CLSTN1: variants seen among roughly 807,000 people sequenced by gnomAD.
CLSTN1 encodes calsyntenin-1.
Under a neutral mutation model 108.3 loss-of-function variants are expected in CLSTN1, and 28 were observed. That is an observed-to-expected ratio of 0.26 (90% CI 0.19 to 0.35). The LOEUF is 0.35. Among genes scored for constraint, CLSTN1 ranks in the 10% least tolerant of loss-of-function variants. CLSTN1 has a pLI of 1.00. For missense variants in CLSTN1, 1,157 were observed against 1,302.6 expected (o/e 0.89, Z 1.72); for synonymous variants, 524 against 534.9 (o/e 0.98, Z 0.28).
chr1:9,799,558 G>A (rs1334182138), intron 1 of CLSTN1, among the ~76,000 whole-genome samples: 1 of 150,740 alleles, frequency 6.6e-6, no homozygotes, highest in Non-Finnish European at 1.5e-5. Context: ...GGAGAATGGT[G>A]TGAACCCGGG....
intron 2 of CLSTN1, among the ~76,000 whole-genome samples, chr1:9,760,347 T>C (rs1363845478): frequency 6.6e-6 from 1 of 152,110 alleles, no homozygotes; most frequent in African/African-American, 2.4e-5. Context: ...CAGGCAGACC[T>C]GGGTCTTCCA....
chr1:9,739,776 G>A (rs1433041379), intron 10 of CLSTN1, among the ~76,000 whole-genome samples: 1 of 151,406 alleles, frequency 6.6e-6, no homozygotes, highest in Non-Finnish European at 1.5e-5. Flanking sequence ...TTTGAGACAG[G>A]GTCTCACTCT....
chr1:9,798,946 CG>C (rs1187837783), intron 1 of CLSTN1, among the ~76,000 whole-genome samples: 1 of 151,914 alleles, frequency 6.6e-6, no homozygotes, highest in African/African-American at 2.4e-5. Flanking sequence ...TTTGGGAGGG[CG>C]GGGCAGGAGG....
At chr1:9,771,407 AG>A in intron 2 of CLSTN1, among the ~76,000 whole-genome samples, 1 of 152,276 alleles carries the variant, frequency 6.6e-6, no homozygotes, top group East Asian at 1.9e-4. Context: ...CAAGGTCAGG[AG>A]TTCAAGACCA....
chr1:9,777,647 GCTTA>G (rs1653021276), intron 1 of CLSTN1, among the ~76,000 whole-genome samples: 1 of 151,958 alleles, frequency 6.6e-6, no homozygotes, highest in Non-Finnish European at 1.5e-5. Context: ...TGAAAACAAA[GCTTA>G]CTAAGAAGAG....
chr1:9,732,687 T>C (rs748560416), intron 16 of CLSTN1, among the ~76,000 whole-genome samples: 4 of 152,240 alleles, frequency 2.6e-5, no homozygotes, highest in African/African-American at 9.6e-5. Context: ...GATAGGTCTG[T>C]AGACGACCTC....
intron 2 of CLSTN1, among the ~76,000 whole-genome samples, chr1:9,768,568 T>C (rs1373106480): frequency 1.4e-4 from 7 of 48,978 alleles, no homozygotes; most frequent in African/African-American, 2.2e-4. Context: ...GGTGGCACCA[T>C]GGGGGCGGGG....
Position 9,741,207 on chromosome 1 carries a change from C to T in CLSTN1, c.1406G>A (p.Ser469Asn). 3 of 1,614,076 alleles carry T rather than the reference C, an allele frequency of 1.9e-6. No individual in the cohort carries two copies. Among genetic ancestry groups the T allele is most frequent in the Non-Finnish European group, 2.5e-6 (3 of 1,179,966 alleles). ...HHYVLNVEFPSVTLYVDGTSH... is the reference protein window; with the variant it reads ...HHYVLNVEFPNVTLYVDGTSH... ...CGTGCCATCCACATAGAGAGTCACA[C>T]TCGGGAATTCTACATTGAGGACGTA... is the stretch of plus-strand genomic sequence containing the variant. Residue 469 changes from serine to asparagine, a missense_variant, in exon 10 of 19, where the codon AGT becomes AAT. Physicochemically the swap from Ser to Asn is conservative, Grantham distance 46. Transcript: ENST00000377298.
At chr1:9,794,437 T>G (rs893227545) in intron 1 of CLSTN1, among the ~76,000 whole-genome samples, 2 of 151,480 alleles carry the variant, frequency 1.3e-5, no homozygotes, top group Non-Finnish European at 2.9e-5. Flanking sequence ...ACCTCCCAAG[T>G]AGCTGAGATC....
intron 1 of CLSTN1, among the ~76,000 whole-genome samples, chr1:9,781,976 T>C (rs1020416908): frequency 2.5e-4 from 38 of 152,330 alleles, no homozygotes; most frequent in Admixed American, 2.4e-3. Flanking sequence ...GGATTTATAT[T>C]GTATTGGGCT....
chr1:9,732,560 A>AT (rs1650462719), intron 16 of CLSTN1, among the ~76,000 whole-genome samples: 1 of 152,236 alleles, frequency 6.6e-6, no homozygotes, highest in African/African-American at 2.4e-5. Context: ...CTCAAACAAA[A>AT]CAGGCACCGA....
intron 8 of CLSTN1, 117 bp from the exon 9 acceptor site, chr1:9,744,122 C>A: frequency 7.1e-7 from 1 of 1,411,398 alleles, no homozygotes; most frequent in Admixed American, 2.1e-5. Context: ...AACTCTTCGG[C>A]TAAGCCAAGG....
chr1:9,796,301 A>T (rs1570504399), intron 1 of CLSTN1, among the ~76,000 whole-genome samples: 1 of 149,688 alleles, frequency 6.7e-6, no homozygotes, highest in East Asian at 2.0e-4. Context: ...AAAACAAAAA[A>T]AAAAAAACAG....
At chr1:9,752,036 C>T (rs957700832) in intron 4 of CLSTN1, among the ~76,000 whole-genome samples, 8 of 151,812 alleles carry the variant, frequency 5.3e-5, no homozygotes, top group Non-Finnish European at 1.2e-4. Flanking sequence ...CGTCTGTTTG[C>T]TCTCCAATTA....
Position 9,773,342 on chromosome 1 carries a change from C to T in CLSTN1, c.144G>A (p.Glu48=). The part of the protein sequence containing the change: ...LEPTYHGIVT[E]NDNTVLLDPP... The stretch of plus-strand genomic sequence containing the variant: ...GGTCGAGGAGCACGGTGTTGTCGTT[C>T]TCTGTGACTATGCCGTGGTAGGTGG... The change falls in exon 2 of 19, where the codon GAG becomes GAA. Residue 48 remains glutamate (E), a synonymous_variant. Transcript: ENST00000377298. The T allele has an allele frequency of 6.2e-7, 1 of 1,614,160 alleles. No homozygotes were observed. The highest frequency in any genetic ancestry group is 8.5e-7 in the Non-Finnish European group (1 of 1,180,022).
chr1:9,802,442 C>A (rs983210329), intron 1 of CLSTN1, among the ~76,000 whole-genome samples: 1 of 152,160 alleles, frequency 6.6e-6, no homozygotes, highest in African/African-American at 2.4e-5. Flanking sequence ...CTGAGATGTT[C>A]ACATTAAAAA....
intron 2 of CLSTN1, among the ~76,000 whole-genome samples, chr1:9,759,221 T>C (rs1463573642): frequency 1.3e-5 from 2 of 152,232 alleles, no homozygotes; most frequent in Non-Finnish European, 2.9e-5. Flanking sequence ...CAATTTTTAA[T>C]AGTACTTCAT....
chr1:9,809,761 C>T (rs1485288146), intron 1 of CLSTN1, among the ~76,000 whole-genome samples: 1 of 151,522 alleles, frequency 6.6e-6, no homozygotes, highest in East Asian at 2.0e-4. Flanking sequence ...ATCAGCCGGG[C>T]GCGGTGGTGG....
intron 8 of CLSTN1, 35 bp downstream of exon 8, chr1:9,744,358 CTG>C (rs769018543): frequency 6.3e-7 from 1 of 1,577,200 alleles, no homozygotes; most frequent in Non-Finnish European, 8.6e-7. Context: ...CTACTGGACA[CTG>C]GGGCCTGGCA....
Sources: gnomAD v4.1 joint callset for allele counts (sites outside exome capture counted in the v4.1 genomes callset) on GRCh38, gnomAD v4.1.1 for gene constraint, MANE v1.5 for transcripts, NCBI Gene and HGNC (gene_info 2026-07-23, HGNC 2026-07-21) for gene names.